Variants in ZPLD1 observed in about 807,000 individuals in gnomAD.
ZPLD1 encodes zona pellucida-like domain-containing protein 1.
In ZPLD1, 34 loss-of-function variants were observed where a neutral mutation model predicts 47.2. The observed-to-expected ratio is 0.72, with a 90% CI of 0.55 to 0.96. ZPLD1 has a LOEUF of 0.96. Ranked by LOEUF, ZPLD1 falls within the 40% of genes least tolerant of loss-of-function variation. ZPLD1 has a pLI of 0.00. For missense variants in ZPLD1, 512 were observed against 505.8 expected, an observed-to-expected ratio of 1.01 and a Z score of -0.12; for synonymous variants, 176 against 186.2, an observed-to-expected ratio of 0.95 and a Z score of 0.45.
chr3:102,424,995 GTT>G (rs5851307), intron 8 of ZPLD1, among the ~76,000 whole-genome samples: 1 of 146,066 alleles, frequency 6.8e-6, no homozygotes. Flanking sequence ...AATAGCTGGG[GTT>G]TTTTTTTTTG....
chr3:102,467,836 T>TAC (rs61096565), intron 8 of ZPLD1, among the ~76,000 whole-genome samples: 19,479 of 140,808 alleles, frequency 0.14, 1,373 homozygotes, highest in South Asian at 0.15. Flanking sequence ...AATAAAACTG[T>TAC]ACACACACAC....
At chr3:102,390,008 G>A (rs1706477290) in intron 6 of ZPLD1, among the ~76,000 whole-genome samples, 1 of 152,056 alleles carries the variant, frequency 6.6e-6, no homozygotes, top group East Asian at 1.9e-4. Flanking sequence ...GACCTTTGAA[G>A]GGATACTTGT....
At chr3:102,449,447 A>T (rs1430123061) in intron 3 of ZPLD1, among the ~76,000 whole-genome samples, 1 of 152,116 alleles carries the variant, frequency 6.6e-6, no homozygotes, top group African/African-American at 2.4e-5. Flanking sequence ...AGAAAATACT[A>T]AGTGGAAAAT....
chr3:102,420,221 G>GT (rs1230241346), intron 8 of ZPLD1, among the ~76,000 whole-genome samples: 1 of 151,874 alleles, frequency 6.6e-6, no homozygotes. Flanking sequence ...AATGAACATG[G>GT]TTTTTTATTG....
At chr3:102,421,590 A>G (rs1350023609) in intron 8 of ZPLD1, among the ~76,000 whole-genome samples, 2 of 151,902 alleles carry the variant, frequency 1.3e-5, no homozygotes, top group African/African-American at 4.8e-5. Flanking sequence ...ATATATTTCT[A>G]TTTTCTAAAA....
intron 7 of ZPLD1, among the ~76,000 whole-genome samples, chr3:102,401,926 A>G (rs1216741146): frequency 1.3e-5 from 2 of 152,070 alleles, no homozygotes; most frequent in Non-Finnish European, 2.9e-5. Context: ...CAATGGTTAG[A>G]TCTTTTAAAA....
chr3:102,388,805 C>CT (rs1421247114), intron 6 of ZPLD1, among the ~76,000 whole-genome samples: 3 of 152,070 alleles, frequency 2.0e-5, no homozygotes, highest in Admixed American at 6.5e-5. Flanking sequence ...AAAAATATTT[C>CT]TGGGGGGGTG....
rs1559764980 is a variant in ZPLD1 at position 102,478,784 on chromosome 3, AT to A, written c.*1167del. On this transcript the variant is annotated 3_prime_UTR_variant, in exon 12 of 12. Coordinates refer to ENST00000466937, the MANE Select transcript of ZPLD1 (RefSeq NM_001329788.2). The stretch of plus-strand genomic sequence containing the variant: ...AGCAGCCCATGTTCTTACAAAAAAA[AT>A]CAACATTCTCTTTGTTTAAGCTACC... The A allele has an allele frequency of 6.6e-6, 1 of 152,210 alleles. No homozygotes were observed. Among genetic ancestry groups the A allele is most frequent in the Non-Finnish European group, 1.5e-5 (1 of 68,028 alleles). The allele number at this position is 152,210 out of a possible 1,614,324, so 9.4% of individuals were successfully genotyped here. A position where few individuals can be genotyped will look rare whatever the true frequency, so the allele number is the denominator to read the frequency against.
intron 4 of ZPLD1, among the ~76,000 whole-genome samples, chr3:102,455,053 C>T (rs1224074064): frequency 6.6e-6 from 1 of 152,116 alleles, no homozygotes; most frequent in African/African-American, 2.4e-5. Context: ...ATTAAGTTGG[C>T]TACTAAGTCT....
chr3:102,458,816 G>T (rs1271641958), intron 6 of ZPLD1, among the ~76,000 whole-genome samples: 2 of 152,166 alleles, frequency 1.3e-5, no homozygotes, highest in African/African-American at 4.8e-5. Flanking sequence ...TCGGCCGGGT[G>T]CTGTGGCTCA....
At chr3:102,409,342 G>A (rs1431960970) in intron 7 of ZPLD1, among the ~76,000 whole-genome samples, 3 of 151,736 alleles carry the variant, frequency 2.0e-5, no homozygotes, top group African/African-American at 2.4e-5. Flanking sequence ...ATCTATTTAT[G>A]AGGGCAGATC....
intron 7 of ZPLD1, among the ~76,000 whole-genome samples, chr3:102,403,528 T>C (rs1706648204): frequency 6.6e-6 from 1 of 151,976 alleles, no homozygotes; most frequent in Admixed American, 6.6e-5. Context: ...TGGAGTTAAA[T>C]TCACATAACA....
At chr3:102,395,978 A>G (rs770537627) in intron 7 of ZPLD1, among the ~76,000 whole-genome samples, 5 of 152,146 alleles carry the variant, frequency 3.3e-5, no homozygotes, top group African/African-American at 9.7e-5. Flanking sequence ...TTAATAATGC[A>G]TGTTCATGAT....
rs138167024 is a variant in ZPLD1, at chr3:102,403,591, C to A, written c.-157+11366C>A. Among the ~76,000 whole-genome samples the A allele has an allele frequency of 4.6e-5, 7 of 152,114 alleles. No homozygotes were observed. The East Asian group carries it at 1.4e-3, about 30-fold the overall frequency. On this transcript the variant is annotated intron_variant, in intron 7 of 17. Transcript: ENST00000491959. ...AAATATTAATTTTTCCTTTTGATCT[C>A]AGTAACCCATTTTTGGGCTTTAATT...
intron 5 of ZPLD1, among the ~76,000 whole-genome samples, chr3:102,457,314 C>T (rs1368605921): frequency 2.0e-5 from 3 of 152,150 alleles, no homozygotes; most frequent in Non-Finnish European, 4.4e-5. Flanking sequence ...TCTCACTCTG[C>T]CCCCAGTCCA....
chr3:102,434,514 T>C (rs1224240702), upstream of ZPLD1, among the ~76,000 whole-genome samples: 2 of 152,230 alleles, frequency 1.3e-5, no homozygotes, highest in Non-Finnish European at 2.9e-5. Context: ...TCTCTTTTTT[T>C]ACACAAACAC....
intron 3 of ZPLD1, among the ~76,000 whole-genome samples, chr3:102,451,269 G>A (rs1707333014): frequency 1.3e-5 from 2 of 152,058 alleles, no homozygotes; most frequent in South Asian, 4.1e-4. Context: ...AATTATTTAA[G>A]CAAATTAATT....
intron 7 of ZPLD1, among the ~76,000 whole-genome samples, chr3:102,401,378 G>A (rs2107291897): frequency 6.6e-6 from 1 of 152,158 alleles, no homozygotes; most frequent in East Asian, 1.9e-4. Context: ...GCACAATTTT[G>A]TGCTTTTGCT....
chr3:102,412,056 T>C (rs1706752654), intron 7 of ZPLD1, among the ~76,000 whole-genome samples: 1 of 151,742 alleles, frequency 6.6e-6, no homozygotes, highest in Admixed American at 6.6e-5. Context: ...AGGTAGGGCT[T>C]CTATGTTGCA....
Sources: allele counts gnomAD v4.1 joint callset (sites outside exome capture counted in the v4.1 genomes callset), GRCh38; gene constraint gnomAD v4.1.1; transcripts MANE v1.5; gene names NCBI Gene and HGNC (gene_info 2026-07-23, HGNC 2026-07-21).